The following JAK1 variants were observed in gnomAD, a reference collection of about 807,000 sequenced individuals.
JAK1 encodes the protein tyrosine-protein kinase JAK1.
JAK1 carries 16 observed loss-of-function variants against 136.6 expected under a neutral mutation model. The observed-to-expected ratio is 0.12, with a 90% CI of 0.08 to 0.18. The LOEUF is 0.18. Among genes scored for constraint, JAK1 ranks in the 10% least tolerant of loss-of-function variants. The pLI is 1.00. For missense variants in JAK1, 859 were observed against 1,450.1 expected (o/e 0.59, Z 6.62); for synonymous variants, 492 against 519.5 (o/e 0.95, Z 0.72).
At chr1:65,004,575 C>T (rs576844474) in intron 2 of JAK1, among the ~76,000 whole-genome samples, 135 of 152,270 alleles carry the variant, frequency 8.9e-4, no homozygotes, top group Admixed American at 1.7e-3. Flanking sequence ...TTGTCTTTGA[C>T]GTTTCTAGGC....
At chr1:64,939,222 T>G (rs1645844343) in intron 1 of JAK1, among the ~76,000 whole-genome samples, 3 of 152,180 alleles carry the variant, frequency 2.0e-5, no homozygotes, top group African/African-American at 7.2e-5. Flanking sequence ...TTCAACGAAA[T>G]GGGGATGTCA....
chr1:65,002,872 C>A (rs1488789883), intron 2 of JAK1, among the ~76,000 whole-genome samples: 2 of 152,232 alleles, frequency 1.3e-5, no homozygotes, highest in African/African-American at 2.4e-5. Context: ...CAGTCTCTGC[C>A]CCCGGGAGGG....
Position 64,883,305 on chromosome 1 carries a change from T to C in JAK1, c.177A>G (p.Glu59=), listed in dbSNP as rs1484240930. 1 of 1,614,042 alleles carries C rather than the reference T, an allele frequency of 6.2e-7. No homozygotes were observed. Among genetic ancestry groups the C allele is most frequent in the Non-Finnish European group, 8.5e-7 (1 of 1,179,928 alleles). The change falls in exon 3 of 25, where the codon GAA becomes GAG. Residue 59 remains glutamate, a synonymous_variant. Transcript: ENST00000342505. The part of the protein sequence containing the change: ...RLGSGEYTAE[E]LCIRAAQACR... ...ATGCCTGTGCAGCCCTGATGCACAG[T>C]TCCTCTGCTGTGTACTCTCCACTGC...
intron 2 of JAK1, among the ~76,000 whole-genome samples, chr1:65,019,791 C>G (rs544421508): frequency 1.5e-4 from 23 of 152,024 alleles, no homozygotes; most frequent in Non-Finnish European, 2.8e-4. Flanking sequence ...TGGCAGGCAC[C>G]TGTAATCCCA....
At chr1:65,055,057 T>C (rs1267799497) in intron 1 of JAK1, among the ~76,000 whole-genome samples, 1 of 152,222 alleles carries the variant, frequency 6.6e-6, no homozygotes, top group Admixed American at 6.5e-5. Flanking sequence ...TAGGTGTACA[T>C]TGTGTCATTA....
chr1:64,924,706 T>C (rs536583791), intron 1 of JAK1, among the ~76,000 whole-genome samples: 7 of 152,278 alleles, frequency 4.6e-5, no homozygotes, highest in South Asian at 2.1e-4. Context: ...CTTCAGCAAA[T>C]TGAAAGATGG....
exon 1 of JAK1, chr1:65,067,612 C>T (rs1350087606): frequency 6.7e-6 from 1 of 148,246 alleles, no homozygotes; most frequent in Admixed American, 6.7e-5. Context: ...ACCTGCGCCC[C>T]CGGGGGTCCC....
intron 12 of JAK1, among the ~76,000 whole-genome samples, chr1:64,849,074 C>T (rs1655421919): frequency 6.6e-6 from 1 of 152,186 alleles, no homozygotes; most frequent in Non-Finnish European, 1.5e-5. Flanking sequence ...GTCATGACAC[C>T]ATGCTGTCAG....
chr1:64,893,581 T>G (rs1394817136), intron 1 of JAK1, among the ~76,000 whole-genome samples: 1 of 152,162 alleles, frequency 6.6e-6, no homozygotes, highest in East Asian at 1.9e-4. Flanking sequence ...CTTTACAGGG[T>G]TGTTGTGATG....
At chr1:65,020,257 T>C (rs1319732326) in intron 2 of JAK1, among the ~76,000 whole-genome samples, 1 of 146,788 alleles carries the variant, frequency 6.8e-6, no homozygotes, top group South Asian at 2.2e-4. Context: ...AAGCTGTGTA[T>C]AACTTTAGTT....
At chr1:65,051,427 G>A (rs1647280906) in intron 1 of JAK1, among the ~76,000 whole-genome samples, 1 of 151,990 alleles carries the variant, frequency 6.6e-6, no homozygotes, top group South Asian at 2.1e-4. Flanking sequence ...TGCATACTAA[G>A]GTATCAGCAA....
chr1:65,001,099 A>AT (rs1473986131), intron 2 of JAK1, among the ~76,000 whole-genome samples: 1 of 152,148 alleles, frequency 6.6e-6, no homozygotes, highest in Non-Finnish European at 1.5e-5. Context: ...AAGGGGAAAA[A>AT]CAGCTGCTCT....
intron 7 of JAK1, among the ~76,000 whole-genome samples, chr1:64,866,573 T>C (rs1485225123): frequency 6.6e-6 from 1 of 152,232 alleles, no homozygotes; most frequent in African/African-American, 2.4e-5. Context: ...TTAATACTTA[T>C]AAAATACTTA....
chr1:65,050,249 T>A, intron 1 of JAK1, among the ~76,000 whole-genome samples: 1 of 152,194 alleles, frequency 6.6e-6, no homozygotes, highest in East Asian at 1.9e-4. Context: ...TTTCACAGAA[T>A]TCGCCATCTA....
intron 2 of JAK1, among the ~76,000 whole-genome samples, chr1:65,008,902 C>T (rs1311260202): frequency 2.0e-5 from 3 of 152,078 alleles, no homozygotes; most frequent in East Asian, 3.9e-4. Context: ...TTGCCCAGGC[C>T]GGTCTCAAAC....
intron 1 of JAK1, among the ~76,000 whole-genome samples, chr1:64,920,596 A>C (rs1222457740): frequency 6.6e-6 from 1 of 152,162 alleles, no homozygotes; most frequent in Non-Finnish European, 1.5e-5. Flanking sequence ...AAATTAAATT[A>C]AATTAATGCT....
At chr1:64,937,929 G>A (rs547453563) in intron 1 of JAK1, among the ~76,000 whole-genome samples, 2 of 152,032 alleles carry the variant, frequency 1.3e-5, no homozygotes, top group South Asian at 4.1e-4. Flanking sequence ...GCCCAGGCTG[G>A]AGTGCAGTGG....
chr1:64,899,272 G>A (rs1645069932), intron 1 of JAK1, among the ~76,000 whole-genome samples: 1 of 152,162 alleles, frequency 6.6e-6, no homozygotes, highest in African/African-American at 2.4e-5. Context: ...TATAATCATG[G>A]TGAAAAGGTG....
In JAK1 at chr1:64,925,323, G is replaced by A. The variant is rs1255961903; in HGVS notation, c.-77-38982C>T. ...CTTAGGAGTCTGAGGCAGAGGAATC[G>A]CTTGAACCCAGGAAGTGAGCCAAGA... On this transcript the variant is annotated intron_variant, in intron 1 of 24. Coordinates refer to ENST00000342505, the MANE Select transcript of JAK1 (RefSeq NM_002227.4). 3.9e-5 allele frequency among the ~76,000 whole-genome samples: 6 copies of A among 151,950 alleles called. No homozygotes were observed. The East Asian group carries it at 5.8e-4, about 15-fold the overall frequency.
Sources: allele counts gnomAD v4.1 joint callset (sites outside exome capture counted in the v4.1 genomes callset), GRCh38; gene constraint gnomAD v4.1.1; transcripts MANE v1.5; gene names NCBI Gene and HGNC (gene_info 2026-07-23, HGNC 2026-07-21).